The following PDPR variants were observed in gnomAD, a reference collection of about 807,000 sequenced individuals.
The protein encoded by PDPR is pyruvate dehydrogenase phosphatase regulatory subunit, mitochondrial.
In PDPR, 50 loss-of-function variants were observed where a neutral mutation model predicts 102.2. The ratio of observed to expected loss-of-function variants is 0.49; its 90% CI spans 0.39 to 0.62. PDPR has a LOEUF of 0.62. Among genes scored for constraint, PDPR ranks in the 20% least tolerant of loss-of-function variants. The pLI, the probability that PDPR is intolerant of heterozygous loss-of-function variation, is 0.00. For synonymous variants in PDPR, 259 were observed against 406.0 expected (o/e 0.64, Z 4.35); for missense variants, 625 against 1,098.2 (o/e 0.57, Z 6.09).
chr16:70,162,698 C>T (rs1301458273), downstream of PDPR, among the ~76,000 whole-genome samples: 4 of 152,256 alleles, frequency 2.6e-5, no homozygotes, highest in African/African-American at 4.8e-5. Context: ...TTATCTTACC[C>T]TCCCTGCAGC....
At chr16:70,149,828 T>C (rs1597373841) in intron 17 of PDPR, among the ~76,000 whole-genome samples, 1 of 152,272 alleles carries the variant, frequency 6.6e-6, no homozygotes, top group East Asian at 1.9e-4. Flanking sequence ...TCTCACTCTG[T>C]CGCCCAGGCT....
At chr16:70,127,647 A>T (rs1964111238) in intron 4 of PDPR, among the ~76,000 whole-genome samples, 1 of 152,250 alleles carries the variant, frequency 6.6e-6, no homozygotes, top group Non-Finnish European at 1.5e-5. Context: ...AAAATATGTA[A>T]ATTATCCTTA....
chr16:70,124,782 G>A (rs1470609411), intron 3 of PDPR, among the ~76,000 whole-genome samples: 2 of 152,210 alleles, frequency 1.3e-5, no homozygotes, highest in Non-Finnish European at 2.9e-5. Flanking sequence ...TCTCTTTAGG[G>A]AGCTGACAAT....
rs544126015 is a variant in PDPR at position 70,136,247 on chromosome 16, A to G, written c.1051A>G (p.Ile351Val). ...GATGCCAGAATTAGAGACTCTGGAG[A>G]TCATGAAGTTGGTGAACTGCCCAGA... ...RRMPELETLE[I>V]MKLVNCPETF... The change falls in exon 10 of 19, where the codon ATC becomes GTC. Residue 351 changes from isoleucine to valine, a missense_variant. Physicochemically the swap from Ile to Val is conservative, Grantham distance 29 (BLOSUM62 3). Transcript: ENST00000288050. The G allele has an allele frequency of 5.0e-6, 8 of 1,612,330 alleles. No individual in the cohort carries two copies. In the East Asian group the frequency reaches 1.8e-4, roughly 36 times the overall value.
At chr16:70,127,670 T>G (rs1964114561) in intron 4 of PDPR, among the ~76,000 whole-genome samples, 1 of 152,272 alleles carries the variant, frequency 6.6e-6, no homozygotes, top group African/African-American at 2.4e-5. Context: ...GTACTTCTTT[T>G]GAAAATAAGA....
Position 70,114,636 on chromosome 16 carries a change from C to T in PDPR, c.-142-185C>T, listed in dbSNP as rs183340036. On this transcript the variant is annotated intron_variant, in intron 1 of 18. Coordinates refer to ENST00000288050, the MANE Select transcript of PDPR (RefSeq NM_017990.5). ...CAGTACTCGTCCCCGTAAGGTTGTCCGCTCGTGCCTTGGCTTGTGTTCTCG... is the reference window on the plus strand; with the variant it reads ...CAGTACTCGTCCCCGTAAGGTTGTCTGCTCGTGCCTTGGCTTGTGTTCTCG... 5.2e-3 allele frequency among the ~76,000 whole-genome samples: 788 copies of T among 152,364 alleles called. 5 individuals carry two copies. The highest frequency in any genetic ancestry group is 0.024 in the Middle Eastern group (7 of 294).
At chr16:70,132,381 C>T in intron 9 of PDPR, 81 bp downstream of exon 9, 1 of 1,399,998 alleles carries the variant, frequency 7.1e-7, no homozygotes, top group Non-Finnish European at 9.9e-7. Flanking sequence ...AAGAATAGTT[C>T]CTTGTTTAAT....
chr16:70,156,516 G>A lies in PDPR; in HGVS notation c.2277G>A (p.Lys759=). ...GTCGCGACGCCCTCCTGCAGCAGAA[G>A]CAGAATGGAGTGTATAAACGCCTCA... is the stretch of plus-strand genomic sequence containing the variant. The part of the protein sequence containing the change: ...FIGRDALLQQ[K]QNGVYKRLTM... The change falls in exon 19 of 19, where the codon AAG becomes AAA. Residue 759 remains lysine, a synonymous_variant. Coordinates refer to ENST00000288050, the MANE Select transcript of PDPR (RefSeq NM_017990.5). 1 of 1,614,024 alleles carries A rather than the reference G, an allele frequency of 6.2e-7. No individual in the cohort carries two copies. The highest frequency in any genetic ancestry group is 1.7e-5 in the Admixed American group (1 of 60,020).
At position 70,145,378 on chromosome 16, in the gene PDPR, C is replaced by G. The variant is rs150239000; in HGVS notation, c.1868-756C>G. On this transcript the variant is annotated intron_variant, in intron 15 of 18. Coordinates refer to ENST00000288050, the MANE Select transcript of PDPR (RefSeq NM_017990.5). ...GTCTTGAACTCTTGACCTCGTGATC[C>G]ACCTGCTTCGGCCTCCCAAAGTGCT... 7.0e-3 allele frequency among the ~76,000 whole-genome samples: 1,068 copies of G among 151,936 alleles called. 2 individuals are homozygous for G. The highest frequency in any genetic ancestry group is 0.01 in the Non-Finnish European group (681 of 67,810).
chr16:70,152,638 A>G (rs1238492929), intron 17 of PDPR, among the ~76,000 whole-genome samples: 1 of 152,288 alleles, frequency 6.6e-6, no homozygotes, highest in African/African-American at 2.4e-5. Context: ...CTGCAGTACC[A>G]CTGAAGCTGG....
At chr16:70,145,224 A>G (rs1418379925) in intron 15 of PDPR, among the ~76,000 whole-genome samples, 1 of 152,142 alleles carries the variant, frequency 6.6e-6, no homozygotes, top group Non-Finnish European at 1.5e-5. Context: ...TTGCACCTCC[A>G]CCTCCCGGGT....
At chr16:70,124,300 T>G (rs1001174209) in intron 3 of PDPR, among the ~76,000 whole-genome samples, 1 of 151,534 alleles carries the variant, frequency 6.6e-6, no homozygotes, top group African/African-American at 2.4e-5. Flanking sequence ...GAGGCAGAGA[T>G]TGCAGTGAGC....
chr16:70,120,462 T>C lies in PDPR; in HGVS notation c.-31T>C. On this transcript the variant is annotated splice_region_variant and 5_prime_UTR_variant, in exon 3 of 19. Transcript: ENST00000288050. ...AATATGTTTGGTTTCTCTGTCTAGTTTGAGTTCCTGAGATCTAGTTGGTGA... is the reference window on the plus strand; with the variant it reads ...AATATGTTTGGTTTCTCTGTCTAGTCTGAGTTCCTGAGATCTAGTTGGTGA... 1.9e-6 allele frequency: 3 copies of C among 1,564,526 alleles called. No individual in the cohort carries two copies. The highest frequency in any genetic ancestry group is 2.6e-6 in the Non-Finnish European group (3 of 1,136,742).
At chr16:70,120,376 G>A (rs1196930164) in intron 2 of PDPR, 85 bp from the exon 3 acceptor site, 7 of 730,786 alleles carry the variant, frequency 9.6e-6, no homozygotes, top group Non-Finnish European at 1.6e-5. Flanking sequence ...TGAATGAATG[G>A]CTATCGTTCT....
At chr16:70,162,956 AATT>A (rs1429417294), downstream of PDPR, among the ~76,000 whole-genome samples, 1 of 152,178 alleles carries the variant, frequency 6.6e-6, no homozygotes, top group East Asian at 1.9e-4. Flanking sequence ...CCTGTTCACT[AATT>A]TTTTTTTTTG....
In PDPR at chr16:70,157,303, G is replaced by A. The variant is rs1597390415; in HGVS notation, c.*424G>A. On this transcript the variant is annotated 3_prime_UTR_variant, in exon 19 of 19. Coordinates refer to ENST00000288050, the MANE Select transcript of PDPR (RefSeq NM_017990.5). ...TCCATTTTCTTGGAGCAGCCTATTA[G>A]TTCTGGTGGGGTTGCCGTGTGTCGG... is the stretch of plus-strand genomic sequence containing the variant. 2 of 424,862 alleles carry A rather than the reference G, an allele frequency of 4.7e-6. No individual in the cohort carries two copies. Among genetic ancestry groups the A allele is most frequent in the Non-Finnish European group, 9.3e-6 (2 of 215,628 alleles). 26.3% of individuals were successfully genotyped at this position (424,862 alleles called of 1,614,324 possible). A position where few individuals can be genotyped will look rare whatever the true frequency, so the allele number is the denominator to read the frequency against.
intron 18 of PDPR, chr16:70,156,194 T>C (rs1967160611): frequency 2.1e-6 from 1 of 484,326 alleles, no homozygotes; most frequent in South Asian, 3.3e-5. Context: ...GTTTTCTTCC[T>C]AAACGTTTTT....
chr16:70,126,871 T>G (rs1159730651), intron 3 of PDPR, among the ~76,000 whole-genome samples: 1 of 152,212 alleles, frequency 6.6e-6, no homozygotes. Flanking sequence ...TTGAACATTT[T>G]TCTCACCCTG....
At chr16:70,116,849 T>A (rs1216743210) in intron 2 of PDPR, among the ~76,000 whole-genome samples, 1 of 152,110 alleles carries the variant, frequency 6.6e-6, no homozygotes, top group Non-Finnish European at 1.5e-5. Flanking sequence ...GCCTAAAGTT[T>A]TTTTTTTAAT....
Sources: allele counts gnomAD v4.1 joint callset (sites outside exome capture counted in the v4.1 genomes callset), GRCh38; gene constraint gnomAD v4.1.1; transcripts MANE v1.5; gene names NCBI Gene and HGNC (gene_info 2026-07-23, HGNC 2026-07-21).